Variants in ANKFN1 observed in about 807,000 individuals in gnomAD.
ANKFN1 encodes the protein ankyrin repeat and fibronectin type-III domain-containing protein 1.
ANKFN1 carries 74 observed loss-of-function variants against 108.7 expected under a neutral mutation model. That is an observed-to-expected ratio of 0.68 (90% CI 0.56 to 0.83). The LOEUF is 0.83. Ranked by LOEUF, ANKFN1 falls within the 40% of genes least tolerant of loss-of-function variation. The pLI is 0.00. For synonymous variants in ANKFN1, 547 were observed against 516.2 expected, an observed-to-expected ratio of 1.06 and a Z score of -0.81; for missense variants, 1,505 against 1,382.3, an observed-to-expected ratio of 1.09 and a Z score of -1.41.
chr17:56,372,580 T>C (rs1449747709), intron 6 of ANKFN1, 66 bp from the exon 7 acceptor site: 17 of 1,364,212 alleles, frequency 1.2e-5, no homozygotes, highest in Non-Finnish European at 1.7e-5. Context: ...CTCTGGGATA[T>C]ATCCTTCCAA....
intron 4 of ANKFN1, among the ~76,000 whole-genome samples, chr17:56,115,862 T>C (rs1906234449): frequency 6.6e-6 from 1 of 152,184 alleles, no homozygotes; most frequent in African/African-American, 2.4e-5. Flanking sequence ...CTTGAGCCCC[T>C]GGTCCTACAG....
chr17:56,191,035 C>G, intron 1 of ANKFN1, among the ~76,000 whole-genome samples: 1 of 10,222 alleles, frequency 9.8e-5, no homozygotes, highest in Non-Finnish European at 1.5e-4. Context: ...AGGATTGCAA[C>G]CCCTGCCTTT....
intron 3 of ANKFN1, among the ~76,000 whole-genome samples, chr17:56,305,437 T>C (rs1341468534): frequency 6.6e-6 from 1 of 152,258 alleles, no homozygotes; most frequent in African/African-American, 2.4e-5. Flanking sequence ...TTGCCATCTA[T>C]GTATCCTCTT....
At position 56,050,146 on chromosome 17, in the gene ANKFN1, T is replaced by A. The variant is rs1050159277; in HGVS notation, c.288+3821T>A. 1.1e-4 allele frequency among the ~76,000 whole-genome samples: 17 copies of A among 151,790 alleles called. No homozygotes were observed. The East Asian group carries it at 2.3e-3, about 21-fold the overall frequency. On this transcript the variant is annotated intron_variant, in intron 4 of 12. Coordinates refer to the ANKFN1 transcript ENST00000635860. The stretch of plus-strand genomic sequence containing the variant: ...TTTGCATTTCTCTGGTGGCCAGTGA[T>A]GATGAGCATTTTTTCATGTGTTTTT...
chr17:56,167,274 C>CATATATATATATATATATACACACAT (rs72093414), intron 1 of ANKFN1, among the ~76,000 whole-genome samples: 1 of 133,874 alleles, frequency 7.5e-6, no homozygotes, highest in Non-Finnish European at 1.6e-5. Context: ...TATATATATA[C>CATATATATATATATATATACACACAT]ATATATATAT....
chr17:56,296,388 T>C (rs2044510521), intron 3 of ANKFN1, among the ~76,000 whole-genome samples: 1 of 152,060 alleles, frequency 6.6e-6, no homozygotes, highest in African/African-American at 2.4e-5. Flanking sequence ...AAGAAGCTGA[T>C]TAAAAAGGCT....
intron 8 of ANKFN1, among the ~76,000 whole-genome samples, chr17:56,375,651 C>T (rs896212620): frequency 6.6e-6 from 1 of 151,978 alleles, no homozygotes; most frequent in Non-Finnish European, 1.5e-5. Flanking sequence ...GAATTATGAA[C>T]CTATTCAAGA....
chr17:56,481,223 G>C (rs1209431520), intron 17 of ANKFN1, among the ~76,000 whole-genome samples: 1 of 151,990 alleles, frequency 6.6e-6, no homozygotes, highest in Non-Finnish European at 1.5e-5. Flanking sequence ...AGAATAGAAG[G>C]ATAACGGTGG....
chr17:56,191,761 G>C lies in ANKFN1; in HGVS notation c.-70-20837G>C, dbSNP rs533869675. ...ATTTCCTGAATCTGAATGTTGGCCT[G>C]CCTTGCTAGATTGGGGAAGTTCTCC... On this transcript the variant is annotated intron_variant, in intron 1 of 20. Coordinates refer to ENST00000682825, the MANE Select transcript of ANKFN1 (RefSeq NM_001370326.1). Among the ~76,000 whole-genome samples the C allele has an allele frequency of 2.0e-5, 3 of 148,148 alleles. No homozygotes were observed. The East Asian group carries it at 6.1e-4, about 30-fold the overall frequency.
intron 8 of ANKFN1, among the ~76,000 whole-genome samples, chr17:56,407,579 T>G (rs2047958661): frequency 6.6e-6 from 1 of 152,210 alleles, no homozygotes; most frequent in African/African-American, 2.4e-5. Flanking sequence ...TTACTTATGA[T>G]CAATAGATTC....
intron 2 of ANKFN1, among the ~76,000 whole-genome samples, chr17:56,225,493 A>G (rs1197030369): frequency 1.3e-5 from 2 of 152,090 alleles, no homozygotes; most frequent in Admixed American, 6.6e-5. Flanking sequence ...TTGTGATGTG[A>G]TCCCTCTAAA....
At chr17:56,264,988 C>A (rs975113042) in intron 3 of ANKFN1, among the ~76,000 whole-genome samples, 4 of 152,034 alleles carry the variant, frequency 2.6e-5, no homozygotes. Context: ...ATGTGATAAC[C>A]CCATCTAAAT....
chr17:56,200,586 C>T (rs1364782564), intron 1 of ANKFN1, among the ~76,000 whole-genome samples: 1 of 152,212 alleles, frequency 6.6e-6, no homozygotes, highest in African/African-American at 2.4e-5. Context: ...CAGCTCAACT[C>T]CCTCTTGCCC....
At chr17:56,377,566 T>C (rs1227442432) in intron 8 of ANKFN1, among the ~76,000 whole-genome samples, 1 of 152,208 alleles carries the variant, frequency 6.6e-6, no homozygotes, top group Non-Finnish European at 1.5e-5. Flanking sequence ...ATCTCACCCA[T>C]TTTTATGGCT....
At chr17:56,493,784 G>A (rs1162561372) in intron 19 of ANKFN1, among the ~76,000 whole-genome samples, 1 of 152,016 alleles carries the variant, frequency 6.6e-6, no homozygotes, top group Admixed American at 6.6e-5. Context: ...CACCAAATAA[G>A]GATTTGAGAA....
chr17:56,052,820 T>C (rs1352795640), intron 4 of ANKFN1, among the ~76,000 whole-genome samples: 1 of 152,132 alleles, frequency 6.6e-6, no homozygotes, highest in Non-Finnish European at 1.5e-5. Flanking sequence ...AGAGAGTAGA[T>C]GGGGTCTCAC....
intron 3 of ANKFN1, among the ~76,000 whole-genome samples, chr17:56,266,258 G>A (rs148558548): frequency 3.3e-3 from 495 of 152,186 alleles, no homozygotes; most frequent in African/African-American, 0.011. Context: ...TGTATATTCT[G>A]TGAGAATTTT....
chr17:56,189,179 T>TTTTTTTTTGTTTTGTTTTG (rs1555607730), intron 1 of ANKFN1, among the ~76,000 whole-genome samples: 2 of 111,400 alleles, frequency 1.8e-5, no homozygotes, highest in African/African-American at 9.8e-5. Context: ...ACTTTTTTTT[T>TTTTTTTTTGTTTTGTTTTG]TTTTTTTTTG....
chr17:56,502,850 CTGT>C (rs1290136964), intron 20 of ANKFN1, among the ~76,000 whole-genome samples: 1 of 152,212 alleles, frequency 6.6e-6, no homozygotes, highest in Non-Finnish European at 1.5e-5. Flanking sequence ...TGTTTTAAGG[CTGT>C]TGAGTATCTT....
Sources: gnomAD v4.1 joint callset for allele counts (sites outside exome capture counted in the v4.1 genomes callset) on GRCh38, gnomAD v4.1.1 for gene constraint, MANE v1.5 for transcripts, NCBI Gene and HGNC (gene_info 2026-07-23, HGNC 2026-07-21) for gene names.